The following STK3 variants were observed in gnomAD, a reference collection of about 807,000 sequenced individuals.
STK3 encodes serine/threonine kinase 3, also known as serine/threonine-protein kinase 3.
STK3 carries 41 observed loss-of-function variants against 58.0 expected under a neutral mutation model. The ratio of observed to expected loss-of-function variants is 0.71; its 90% CI spans 0.55 to 0.92. STK3 has a LOEUF of 0.92. STK3 is among the 40% of genes least tolerant of loss of function. The probability of loss-of-function intolerance (pLI) is 0.00; values close to 1 mark genes in which losing one functional copy is unlikely to be tolerated. For missense variants in STK3, 479 were observed against 602.7 expected, an observed-to-expected ratio of 0.79 and a Z score of 2.15; for synonymous variants, 170 against 191.0, an observed-to-expected ratio of 0.89 and a Z score of 0.91.
intron 2 of STK3, among the ~76,000 whole-genome samples, chr8:98,769,156 A>G (rs1462482343): frequency 6.6e-6 from 1 of 152,224 alleles, no homozygotes; most frequent in South Asian, 2.1e-4. Context: ...TGATAGCAAT[A>G]TAGTTTTTGG....
downstream of STK3, among the ~76,000 whole-genome samples, chr8:98,370,582 G>A (rs188882808): frequency 2.0e-4 from 31 of 152,304 alleles, no homozygotes; most frequent in East Asian, 4.8e-3. Context: ...ACCCAAGGAT[G>A]AGTAGGACTA....
intron 8 of STK3, among the ~76,000 whole-genome samples, chr8:98,563,914 C>G (rs1812261598): frequency 6.6e-6 from 1 of 152,080 alleles, no homozygotes; most frequent in South Asian, 2.1e-4. Flanking sequence ...ATTCTAAATA[C>G]TCCATCCTCA....
intron 3 of STK3, among the ~76,000 whole-genome samples, chr8:98,406,447 C>T (rs568041597): frequency 1.3e-5 from 2 of 152,030 alleles, no homozygotes; most frequent in Non-Finnish European, 2.9e-5. Context: ...TCCCCTACTC[C>T]CAACCTCCCC....
At chr8:98,655,472 A>G (rs1360309819) in intron 6 of STK3, among the ~76,000 whole-genome samples, 3 of 152,242 alleles carry the variant, frequency 2.0e-5, no homozygotes, top group Non-Finnish European at 4.4e-5. Context: ...AACGAAAGCC[A>G]AAATTGACAA....
chr8:98,406,407 G>A (rs898415712), intron 3 of STK3, among the ~76,000 whole-genome samples: 1 of 152,154 alleles, frequency 6.6e-6, no homozygotes, highest in East Asian at 1.9e-4. Context: ...CCCAGGTAGT[G>A]AGCATAGTAC....
intron 1 of STK3, among the ~76,000 whole-genome samples, chr8:98,821,143 G>C (rs893842102): frequency 6.6e-6 from 1 of 152,160 alleles, no homozygotes; most frequent in Non-Finnish European, 1.5e-5. Context: ...CAGGAGGTGA[G>C]CTATACGCGA....
Position 98,455,979 on chromosome 8 carries a change from C to A in STK3, c.1339G>T (p.Glu447Ter), listed in dbSNP as rs1165890095. 2 of 1,609,624 alleles carry A rather than the reference C, an allele frequency of 1.2e-6. No homozygotes were observed. The highest frequency in any genetic ancestry group is 1.7e-6 in the Non-Finnish European group (2 of 1,178,004). Reference sequence around the variant, plus strand: ...AGTGCTTTTAACCGCATCTGTAGTTCTTCTAAACTTAGATTTTTCAACTAG... The same window carrying A: ...AGTGCTTTTAACCGCATCTGTAGTTATTCTAAACTTAGATTTTTCAACTAG... ...FDFLKNLSLE[E>*]LQMRLKALDP... is the part of the protein sequence containing the mutation. The change falls in exon 11 of 11, where the codon GAA becomes TAA. Residue 447 changes from glutamate (E) to a stop codon, truncating the protein, a stop_gained. Transcript: ENST00000419617. LOFTEE classifies it high-confidence loss of function.
intron 3 of STK3, among the ~76,000 whole-genome samples, chr8:98,853,605 T>C (rs538922444): frequency 1.8e-4 from 27 of 152,326 alleles, no homozygotes; most frequent in Non-Finnish European, 3.8e-4. Flanking sequence ...GACCCCTGAC[T>C]GCTTTTTAAT....
At chr8:98,473,579 T>C (rs1333607007) in intron 10 of STK3, among the ~76,000 whole-genome samples, 3 of 152,188 alleles carry the variant, frequency 2.0e-5, no homozygotes, top group Non-Finnish European at 4.4e-5. Context: ...ACTTGCTCCA[T>C]ACTGGCTTCT....
intron 1 of STK3, among the ~76,000 whole-genome samples, chr8:98,781,039 C>G (rs929503358): frequency 6.6e-6 from 1 of 152,236 alleles, no homozygotes; most frequent in African/African-American, 2.4e-5. Flanking sequence ...GCAGAATTAT[C>G]TGTCAGCTGC....
rs1409553709 is a variant in STK3 at position 98,585,019 on chromosome 8, C to T, written c.823-5230G>A. Among the ~76,000 whole-genome samples, 296 of 149,282 alleles carry T rather than the reference C, an allele frequency of 2.0e-3. 4 individuals carry two copies. Among genetic ancestry groups the T allele is most frequent in the Admixed American group, 5.0e-3 (75 of 14,992 alleles). On this transcript the variant is annotated intron_variant, in intron 7 of 10. Coordinates refer to ENST00000419617, the MANE Select transcript of STK3 (RefSeq NM_006281.4). ...AGCCCTTTGTCAGATGAGTAGGTTG[C>T]GAAAATTTTCTCCCATTCTGTAGGT...
intron 6 of STK3, chr8:98,598,532 C>T (rs1010835754): frequency 2.0e-6 from 2 of 985,318 alleles, no homozygotes; most frequent in South Asian, 9.4e-5. Context: ...TTCTTGACAG[C>T]CTTACTGTAC....
intron 1 of STK3, among the ~76,000 whole-genome samples, chr8:98,779,447 T>C (rs1587599546): frequency 1.3e-5 from 2 of 152,348 alleles, no homozygotes; most frequent in Admixed American, 1.3e-4. Flanking sequence ...CCACAGACTG[T>C]CCACATGGGT....
At chr8:98,751,946 AT>A (rs1256668468) in intron 3 of STK3, among the ~76,000 whole-genome samples, 1 of 152,056 alleles carries the variant, frequency 6.6e-6, no homozygotes, top group Non-Finnish European at 1.5e-5. Context: ...TCTCAAAAAA[AT>A]AATAATAAAA....
intron 1 of STK3, among the ~76,000 whole-genome samples, chr8:98,939,425 A>T (rs1279043568): frequency 5.9e-5 from 9 of 152,230 alleles, no homozygotes; most frequent in Non-Finnish European, 1.5e-5. Context: ...ATTTCTAACA[A>T]GTTCCAGATG....
intron 6 of STK3, among the ~76,000 whole-genome samples, chr8:98,607,447 T>C (rs1050551395): frequency 1.3e-5 from 2 of 152,248 alleles, no homozygotes; most frequent in African/African-American, 4.8e-5. Context: ...GTATTCTTCA[T>C]TGTCATGCAT....
chr8:98,665,389 G>C (rs374148186), intron 6 of STK3, among the ~76,000 whole-genome samples: 4 of 152,056 alleles, frequency 2.6e-5, no homozygotes, highest in Non-Finnish European at 5.9e-5. Context: ...AAACCACCAA[G>C]GTTTCTTTTT....
chr8:98,368,206 G>A (rs1380258501), downstream of STK3, among the ~76,000 whole-genome samples: 1 of 152,208 alleles, frequency 6.6e-6, no homozygotes, highest in Non-Finnish European at 1.5e-5. Flanking sequence ...AGAGAAATCT[G>A]AAAGAGCTAT....
At chr8:98,933,950 C>T in intron 1 of STK3, among the ~76,000 whole-genome samples, 1 of 152,252 alleles carries the variant, frequency 6.6e-6, no homozygotes, top group South Asian at 2.1e-4. Flanking sequence ...AATTAAGTCT[C>T]TCCACACTTA....
Sources: gnomAD v4.1 joint callset for allele counts (sites outside exome capture counted in the v4.1 genomes callset) on GRCh38, gnomAD v4.1.1 for gene constraint, MANE v1.5 for transcripts, NCBI Gene and HGNC (gene_info 2026-07-23, HGNC 2026-07-21) for gene names.